Variants in RUBCNL observed in about 807,000 individuals in gnomAD.
RUBCNL encodes protein associated with UVRAG as autophagy enhancer.
Under a neutral mutation model 69.5 loss-of-function variants are expected in RUBCNL, and 62 were observed. The observed-to-expected ratio is 0.89, with a 90% CI of 0.73 to 1.10. RUBCNL has a LOEUF of 1.10. Ranked by LOEUF, RUBCNL falls within the 50% of genes least tolerant of loss-of-function variation. The pLI, the probability that RUBCNL is intolerant of heterozygous loss-of-function variation, is 0.00. For missense variants in RUBCNL, 768 were observed against 798.1 expected (o/e 0.96, Z 0.45); for synonymous variants, 291 against 303.6 (o/e 0.96, Z 0.43).
In RUBCNL at chr13:46,341,688, C is replaced by T. The variant is rs2048144179; in HGVS notation, c.*1697G>A. On this transcript the variant is annotated 3_prime_UTR_variant, in exon 15 of 15. Transcript: ENST00000429979. ...ACACTGATGTGAGAAAACACTCTGC[C>T]CAATGCCACTTCTGCAAGTTGGAGC... Among the ~76,000 whole-genome samples, 1 of 152,200 alleles carries T rather than the reference C, an allele frequency of 6.6e-6. No homozygotes were observed. The highest frequency in any genetic ancestry group is 1.5e-5 in the Non-Finnish European group (1 of 68,040).
rs753274134 is a variant in RUBCNL at position 46,372,123 on chromosome 13, T to C, written c.353A>G (p.His118Arg). ...GCTGCTACTCTTTTCACTCGAGCCATGGGGAGAAGCGCTGCCAACGGAGTC... is the reference window on the plus strand; with the variant it reads ...GCTGCTACTCTTTTCACTCGAGCCACGGGGAGAAGCGCTGCCAACGGAGTC... ...TTDSVGSASP[H>R]GSSEKSSSFS... Residue 118 changes from histidine to arginine, a missense_variant, in exon 3 of 15, where the codon CAT (histidine) becomes CGT (arginine). Coordinates refer to ENST00000429979, the MANE Select transcript of RUBCNL (RefSeq NM_025113.5). 1.2e-6 allele frequency: 2 copies of C among 1,613,930 alleles called. No homozygotes were observed. The highest frequency in any genetic ancestry group is 1.3e-5 in the African/African-American group (1 of 75,020).
chr13:46,362,435 G>A (rs1423184105), intron 7 of RUBCNL, 103 bp downstream of exon 7: 4 of 593,572 alleles, frequency 6.7e-6, no homozygotes, highest in Admixed American at 7.0e-5. Flanking sequence ...CAAATCACTG[G>A]AACTAGCTAA....
chr13:46,368,762 C>A lies in RUBCNL; in HGVS notation c.589G>T (p.Val197Leu), dbSNP rs776307569. Residue 197 changes from valine (V) to leucine (L), a missense_variant, in exon 4 of 15, where the codon GTA becomes TTA. Val to Leu is a conservative substitution (Grantham distance 32). Transcript: ENST00000429979. The part of the protein sequence containing the change: ...TISSNSFSPE[V>L]FVLPVDVEKE... Reference sequence around the variant, plus strand: ...TCTACATCAACAGGCAGCACAAATACCTCTGGTGAGAAGGAATTCGAAGAA... The same window carrying A: ...TCTACATCAACAGGCAGCACAAATAACTCTGGTGAGAAGGAATTCGAAGAA... 1 of 1,613,630 alleles carries A rather than the reference C, an allele frequency of 6.2e-7. No individual in the cohort carries two copies. The highest frequency in any genetic ancestry group is 1.7e-5 in the Admixed American group (1 of 59,982).
At chr13:46,354,748 G>A in intron 10 of RUBCNL, 1 of 456,510 alleles carries the variant, frequency 2.2e-6, no homozygotes, top group Non-Finnish European at 4.4e-6. Context: ...ATCACTTTGT[G>A]TTACATACAC....
chr13:46,350,371 GT>G lies in RUBCNL; in HGVS notation c.1331-21del, dbSNP rs1202914101. The G allele has an allele frequency of 6.6e-7, 1 of 1,506,292 alleles. No homozygotes were observed. The highest frequency in any genetic ancestry group is 9.0e-7 in the Non-Finnish European group (1 of 1,115,662). The allele number at this position is 1,506,292 out of a possible 1,614,324, so 93.3% of individuals were successfully genotyped here. On this transcript the variant is annotated intron_variant, in intron 10 of 14. Transcript: ENST00000429979. The stretch of plus-strand genomic sequence containing the variant: ...CAAACTCTGCCAAGCATACCGGAGG[GT>G]GAGTGCCACACCTGGTGCTGAAAAC...
At chr13:46,386,498 T>A (rs2138866383) in intron 1 of RUBCNL, among the ~76,000 whole-genome samples, 2 of 144,688 alleles carry the variant, frequency 1.4e-5, no homozygotes, top group East Asian at 4.2e-4. Context: ...GCGGACAGCA[T>A]CAAGTTCGCA....
Position 46,336,390 on chromosome 13 carries a change from C to A in RUBCNL, c.*6995G>T, listed in dbSNP as rs1389886616. On this transcript the variant is annotated 3_prime_UTR_variant, in exon 15 of 15. Coordinates refer to ENST00000429979, the MANE Select transcript of RUBCNL (RefSeq NM_025113.5). Reference sequence around the variant, plus strand: ...GTATAGTACTGATCTCATTTATCATCTGTAATTTGTCATTAGTTTAAATGA... The same window carrying A: ...GTATAGTACTGATCTCATTTATCATATGTAATTTGTCATTAGTTTAAATGA... Among the ~76,000 whole-genome samples the A allele has an allele frequency of 6.6e-6, 1 of 152,084 alleles. No individual in the cohort carries two copies. Among genetic ancestry groups the A allele is most frequent in the Non-Finnish European group, 1.5e-5 (1 of 68,018 alleles).
intron 1 of RUBCNL, among the ~76,000 whole-genome samples, chr13:46,384,822 CA>C (rs1308730218): frequency 6.6e-6 from 1 of 152,040 alleles, no homozygotes; most frequent in Non-Finnish European, 1.5e-5. Context: ...TCAGTAGAAA[CA>C]AAGGATTCAT....
At chr13:46,368,891 GA>G in intron 3 of RUBCNL, 76 bp from the exon 4 acceptor site, 1 of 1,034,914 alleles carries the variant, frequency 9.7e-7, no homozygotes, top group Non-Finnish European at 1.5e-6. Flanking sequence ...ACAATTATAG[GA>G]AGTGGCTTTT....
chr13:46,355,356 G>A (rs892554215), intron 10 of RUBCNL, among the ~76,000 whole-genome samples: 6 of 147,480 alleles, frequency 4.1e-5, no homozygotes, highest in Non-Finnish European at 8.9e-5. Flanking sequence ...GTACAATAGT[G>A]TGATCTCGGC....
At chr13:46,349,926 C>T (rs537553933) in intron 11 of RUBCNL, among the ~76,000 whole-genome samples, 187 bp downstream of exon 11, 42 of 152,138 alleles carry the variant, frequency 2.8e-4, no homozygotes, top group African/African-American at 8.4e-4. Flanking sequence ...TCAGGCAATC[C>T]GCCCACCTTG....
At chr13:46,356,588 T>C in intron 9 of RUBCNL, 92 bp from the exon 10 acceptor site, 1 of 1,047,016 alleles carries the variant, frequency 9.6e-7, no homozygotes. Flanking sequence ...CGTGATACTT[T>C]TCTAACTAAG....
intron 1 of RUBCNL, among the ~76,000 whole-genome samples, chr13:46,386,412 A>G (rs994523350): frequency 3.3e-5 from 5 of 152,192 alleles, no homozygotes. Flanking sequence ...GCTCTTGAGT[A>G]TACCTTTTCC....
intron 3 of RUBCNL, among the ~76,000 whole-genome samples, chr13:46,369,529 G>A (rs1255084870): frequency 6.6e-6 from 1 of 152,106 alleles, no homozygotes; most frequent in Admixed American, 6.6e-5. Flanking sequence ...TAAACCTCCT[G>A]TCTAGAGAAA....
chr13:46,350,450 A>G, intron 10 of RUBCNL, 99 bp from the exon 11 acceptor site: 1 of 844,078 alleles, frequency 1.2e-6, no homozygotes, highest in Non-Finnish European at 1.8e-6. Context: ...AAAGACTCTG[A>G]TGACTTGTTT....
intron 2 of RUBCNL, among the ~76,000 whole-genome samples, chr13:46,373,287 C>CTTA (rs1257447883): frequency 6.6e-6 from 1 of 152,092 alleles, no homozygotes; most frequent in Admixed American, 6.6e-5. Context: ...TCCATATGTT[C>CTTA]TTATTTTCAT....
intron 1 of RUBCNL, among the ~76,000 whole-genome samples, chr13:46,379,327 C>T (rs907218713): frequency 5.9e-5 from 9 of 152,166 alleles, no homozygotes; most frequent in African/African-American, 1.9e-4. Context: ...CCACCCACCT[C>T]GGCCTCCCAA....
Position 46,353,524 on chromosome 13 carries a change from C to T in RUBCNL, c.1330+2908G>A, listed in dbSNP as rs143817547. ...GTGACCTAAACCAGTGGTTCTTGGC[C>T]AAGGGTGATTTTGCCTCCCAAGGGG... On this transcript the variant is annotated intron_variant, in intron 10 of 14. Transcript: ENST00000429979. Among the ~76,000 whole-genome samples the T allele has an allele frequency of 2.2e-3, 340 of 152,254 alleles. 4 individuals are homozygous for T. Among genetic ancestry groups the T allele is most frequent in the South Asian group, 0.012 (56 of 4,824 alleles).
chr13:46,373,028 C>T (rs1393108839), intron 2 of RUBCNL, among the ~76,000 whole-genome samples: 1 of 151,548 alleles, frequency 6.6e-6, no homozygotes, highest in African/African-American at 2.4e-5. Context: ...GCCTGGAGTG[C>T]AGTGGGGCCA....
Sources: gnomAD v4.1 joint callset for allele counts (sites outside exome capture counted in the v4.1 genomes callset) on GRCh38, gnomAD v4.1.1 for gene constraint, MANE v1.5 for transcripts, NCBI Gene and HGNC (gene_info 2026-07-23, HGNC 2026-07-21) for gene names.